Variants in SPRED2 observed in about 807,000 individuals in gnomAD.
SPRED2 encodes sprouty-related, EVH1 domain-containing protein 2.
SPRED2 carries 47 observed loss-of-function variants against 43.0 expected under a neutral mutation model. The ratio of observed to expected loss-of-function variants is 1.09; its 90% CI spans 0.87 to 1.40. SPRED2 has a LOEUF of 1.40. Ranked by LOEUF, SPRED2 falls within the 40% of genes most tolerant of loss-of-function variation. SPRED2 has a pLI of 0.00. For synonymous variants in SPRED2, 225 were observed against 225.7 expected (o/e 1.00, Z 0.03); for missense variants, 561 against 586.4 (o/e 0.96, Z 0.45).
chr2:65,428,019 T>A (rs1419262985), intron 1 of SPRED2, among the ~76,000 whole-genome samples: 1 of 152,158 alleles, frequency 6.6e-6, no homozygotes, highest in African/African-American at 2.4e-5. Context: ...ATGAATAAAG[T>A]GCTTTAAAAA....
At chr2:65,399,630 C>G (rs1033593772) in intron 1 of SPRED2, among the ~76,000 whole-genome samples, 1 of 152,062 alleles carries the variant, frequency 6.6e-6, no homozygotes. Context: ...ATCTGCCTGC[C>G]TCGGCCTCCC....
intron 4 of SPRED2, among the ~76,000 whole-genome samples, chr2:65,327,873 G>A (rs528394501): frequency 4.6e-5 from 7 of 151,662 alleles, no homozygotes; most frequent in African/African-American, 7.3e-5. Flanking sequence ...ACAGGGGCCC[G>A]CCATCATGCC....
chr2:65,427,399 T>C (rs1216236367), intron 1 of SPRED2, among the ~76,000 whole-genome samples: 5 of 152,218 alleles, frequency 3.3e-5, no homozygotes, highest in Non-Finnish European at 2.9e-5. Flanking sequence ...CAACTCCATA[T>C]TTTTAACATT....
At chr2:65,309,785 T>C (rs1244747312), downstream of SPRED2, among the ~76,000 whole-genome samples, 1 of 152,134 alleles carries the variant, frequency 6.6e-6, no homozygotes, top group Non-Finnish European at 1.5e-5. Flanking sequence ...AGACAAACTA[T>C]ACCTGAGGCA....
intron 4 of SPRED2, among the ~76,000 whole-genome samples, chr2:65,328,559 A>G (rs1445372603): frequency 6.6e-6 from 1 of 152,208 alleles, no homozygotes; most frequent in East Asian, 1.9e-4. Context: ...TCACGTATCC[A>G]GGAGTCCAGT....
intron 1 of SPRED2, among the ~76,000 whole-genome samples, chr2:65,367,445 T>C (rs186051033): frequency 3.9e-5 from 6 of 152,120 alleles, no homozygotes; most frequent in Admixed American, 3.3e-4. Flanking sequence ...TCTTTGAAAA[T>C]TTTCATAATA....
intron 1 of SPRED2, among the ~76,000 whole-genome samples, chr2:65,360,224 T>G (rs1354994906): frequency 1.3e-5 from 2 of 151,986 alleles, no homozygotes; most frequent in Non-Finnish European, 2.9e-5. Flanking sequence ...TTAATGTTGG[T>G]CAAAAGGAAC....
At chr2:65,353,433 G>A (rs771063248) in intron 1 of SPRED2, among the ~76,000 whole-genome samples, 1 of 152,148 alleles carries the variant, frequency 6.6e-6, no homozygotes, top group Non-Finnish European at 1.5e-5. Flanking sequence ...CCATTATCAT[G>A]GAAGACACTG....
chr2:65,308,555 C>T, downstream of SPRED2: 1 of 985,436 alleles, frequency 1.0e-6, no homozygotes, highest in Non-Finnish European at 1.2e-6. Flanking sequence ...CTCTCGAGTT[C>T]CTGATGTTTC....
At chr2:65,357,644 A>T (rs1042553767) in intron 1 of SPRED2, among the ~76,000 whole-genome samples, 1 of 152,208 alleles carries the variant, frequency 6.6e-6, no homozygotes, top group Non-Finnish European at 1.5e-5. Context: ...CTGGATAGGC[A>T]ACTGATTGTG....
In SPRED2 at chr2:65,344,700, G is replaced by A. The variant is rs1205374898; in HGVS notation, c.204+19C>T. On this transcript the variant is annotated intron_variant, in intron 2 of 5. Coordinates refer to ENST00000356388, the MANE Select transcript of SPRED2 (RefSeq NM_181784.3). Reference sequence around the variant, plus strand: ...CAGTTGTTACTAATTTAACCCACGAGTTGTATGTCTGCCATTACCAGTTTG... The same window carrying A: ...CAGTTGTTACTAATTTAACCCACGAATTGTATGTCTGCCATTACCAGTTTG... The A allele has an allele frequency of 1.2e-6, 2 of 1,612,986 alleles. No individual in the cohort carries two copies. The highest frequency in any genetic ancestry group is 1.7e-5 in the Admixed American group (1 of 60,000).
At chr2:65,357,719 A>T (rs1674696775) in intron 1 of SPRED2, among the ~76,000 whole-genome samples, 1 of 152,216 alleles carries the variant, frequency 6.6e-6, no homozygotes, top group Non-Finnish European at 1.5e-5. Flanking sequence ...AAAATCACAG[A>T]GCTAGAGGGT....
rs72896540 is a variant in SPRED2 at position 65,375,705 on chromosome 2, G to C, written c.27-30809C>G. Among the ~76,000 whole-genome samples, 361 of 152,328 alleles carry C rather than the reference G, an allele frequency of 2.4e-3. 4 individuals carry two copies. The highest frequency in any genetic ancestry group is 8.5e-3 in the African/African-American group (353 of 41,564). The stretch of plus-strand genomic sequence containing the variant: ...TGGCAGAGCCGAGAATAGATCCCAA[G>C]TGTCCTTGAATTTCATTTTTCAGAA... On this transcript the variant is annotated intron_variant, in intron 1 of 5. Coordinates refer to ENST00000356388, the MANE Select transcript of SPRED2 (RefSeq NM_181784.3).
chr2:65,352,309 G>A (rs932725634), intron 1 of SPRED2, among the ~76,000 whole-genome samples: 2 of 152,252 alleles, frequency 1.3e-5, no homozygotes, highest in African/African-American at 4.8e-5. Flanking sequence ...CATGATGTAA[G>A]ATGTACAGAA....
intron 1 of SPRED2, among the ~76,000 whole-genome samples, chr2:65,430,610 C>CG (rs912671019): frequency 5.9e-5 from 9 of 152,262 alleles, no homozygotes; most frequent in Non-Finnish European, 8.8e-5. Context: ...TCAATGCCTG[C>CG]GGGGGGCAAA....
Position 65,386,285 on chromosome 2 carries a change from C to CAAAAAAAAAAAAAA in SPRED2, c.27-41403_27-41390dup, listed in dbSNP as rs761665293. 3.6e-5 allele frequency among the ~76,000 whole-genome samples: 2 copies of CAAAAAAAAAAAAAA among 55,480 alleles called. 1 individual carries two copies. The allele number at this position is 55,480 out of a possible 152,430, so 36.4% of individuals were successfully genotyped here. On this transcript the variant is annotated intron_variant, in intron 1 of 5. Transcript: ENST00000356388. ...GGGCGACAAGAGTGAGACTCTGTCT[C>CAAAAAAAAAAAAAA]AAAAAAAAAAAAAAAAAAAGAAAGC...
downstream of SPRED2, among the ~76,000 whole-genome samples, chr2:65,308,052 T>TA (rs1157237727): frequency 6.6e-6 from 1 of 151,464 alleles, no homozygotes; most frequent in Non-Finnish European, 1.5e-5. Flanking sequence ...AGAGCTCCTC[T>TA]AACAATACTT....
intron 1 of SPRED2, among the ~76,000 whole-genome samples, chr2:65,352,942 T>C (rs1674552460): frequency 6.6e-6 from 1 of 152,188 alleles, no homozygotes; most frequent in Non-Finnish European, 1.5e-5. Context: ...TTTTTAAAAA[T>C]ATGTTATCTT....
At chr2:65,375,634 C>G (rs1171877461) in intron 1 of SPRED2, among the ~76,000 whole-genome samples, 2 of 152,130 alleles carry the variant, frequency 1.3e-5, no homozygotes, top group Non-Finnish European at 2.9e-5. Context: ...AGGTAGAAAC[C>G]TAATAGTAAT....
Sources: gnomAD v4.1 joint callset for allele counts (sites outside exome capture counted in the v4.1 genomes callset) on GRCh38, gnomAD v4.1.1 for gene constraint, MANE v1.5 for transcripts, NCBI Gene and HGNC (gene_info 2026-07-23, HGNC 2026-07-21) for gene names.